Variants in CTTNBP2 observed in about 807,000 individuals in gnomAD.
The protein encoded by CTTNBP2 is cortactin-binding protein 2.
Under a neutral mutation model 156.9 loss-of-function variants are expected in CTTNBP2, and 108 were observed. The observed-to-expected ratio is 0.69, with a 90% CI of 0.59 to 0.81. The LOEUF (loss-of-function observed/expected upper bound fraction) is 0.81, where lower values mean the gene tolerates loss of function less well. Ranked by LOEUF, CTTNBP2 falls within the 30% of genes least tolerant of loss-of-function variation. The pLI, the probability that CTTNBP2 is intolerant of heterozygous loss-of-function variation, is 0.00. For missense variants in CTTNBP2, 1,924 were observed against 2,035.4 expected, an observed-to-expected ratio of 0.95 and a Z score of 1.05; for synonymous variants, 767 against 751.8, an observed-to-expected ratio of 1.02 and a Z score of -0.33.
At chr7:117,839,358 T>A (rs1054041282) in intron 2 of CTTNBP2, among the ~76,000 whole-genome samples, 8 of 152,312 alleles carry the variant, frequency 5.3e-5, no homozygotes, top group Admixed American at 5.2e-4. Flanking sequence ...TTTCCTAACG[T>A]CACACAGCCA....
In CTTNBP2 at chr7:117,746,027, C is replaced by A. The variant is rs143935677; in HGVS notation, c.3421G>T (p.Ala1141Ser). The A allele has an allele frequency of 3.7e-6, 6 of 1,614,028 alleles. No individual in the cohort carries two copies. The highest frequency in any genetic ancestry group is 2.7e-5 in the African/African-American group (2 of 75,060). The change falls in exon 13 of 23, where the codon GCA becomes TCA. Residue 1141 changes from alanine (A) to serine (S), a missense_variant. By Grantham distance (99) the Ala-to-Ser change is moderately conservative. Transcript: ENST00000160373. ...GTAATCAATACCTTCAGGCAGAGTG[C>A]AAGCTGATGTACTATGTAGTCTTGC... ...SLQDYIVHQL[A>S]LCLKHRQMAA...
intron 2 of CTTNBP2, among the ~76,000 whole-genome samples, chr7:117,858,551 T>C (rs1175962842): frequency 6.6e-6 from 1 of 152,154 alleles, no homozygotes; most frequent in Non-Finnish European, 1.5e-5. Context: ...AAACTGGTCT[T>C]GGCCAGTGGT....
At chr7:117,801,902 T>C (rs1486544514) in intron 3 of CTTNBP2, among the ~76,000 whole-genome samples, 1 of 151,768 alleles carries the variant, frequency 6.6e-6, no homozygotes, top group Non-Finnish European at 1.5e-5. Flanking sequence ...TTTTTATTTT[T>C]TTTATTTTTT....
rs182317633 is a variant in CTTNBP2, at chr7:117,721,483, A to C, written c.4448-353T>G. Among the ~76,000 whole-genome samples the C allele has an allele frequency of 8.5e-5, 13 of 152,350 alleles. No individual in the cohort carries two copies. The East Asian group carries it at 2.1e-3, about 25-fold the overall frequency. On this transcript the variant is annotated intron_variant, in intron 19 of 22. Transcript: ENST00000160373. ...TAGGCCCTTGTTCTCAAAGGACCAA[A>C]AGAAGATTTTAATACCTGCCTTTTG...
chr7:117,760,195 T>A (rs1464914520), intron 10 of CTTNBP2: 1 of 538,452 alleles, frequency 1.9e-6, no homozygotes, highest in East Asian at 3.0e-5. Context: ...CAAAGCCTCA[T>A]CAACGGCTTT....
At chr7:117,831,090 T>G (rs1801580166) in intron 2 of CTTNBP2, among the ~76,000 whole-genome samples, 1 of 152,188 alleles carries the variant, frequency 6.6e-6, no homozygotes, top group Non-Finnish European at 1.5e-5. Context: ...ACTTAAGAGA[T>G]AAAACATAAA....
intron 16 of CTTNBP2, among the ~76,000 whole-genome samples, chr7:117,730,575 C>T (rs1584910257): frequency 2.6e-5 from 4 of 152,208 alleles, no homozygotes; most frequent in African/African-American, 7.2e-5. Context: ...GATTCAAATA[C>T]AAGCTGAGAA....
chr7:117,774,851 C>T (rs906351630), intron 8 of CTTNBP2, among the ~76,000 whole-genome samples: 1 of 152,146 alleles, frequency 6.6e-6, no homozygotes, highest in African/African-American at 2.4e-5. Context: ...TATTTTTAAG[C>T]TCTACTTGTG....
intron 17 of CTTNBP2, among the ~76,000 whole-genome samples, chr7:117,727,404 G>A (rs767931396): frequency 1.5e-4 from 23 of 151,894 alleles, no homozygotes; most frequent in Non-Finnish European, 2.4e-4. Flanking sequence ...TACGTTGCCT[G>A]GGCTGACCTT....
At chr7:117,768,480 C>T (rs1319535014) in intron 8 of CTTNBP2, among the ~76,000 whole-genome samples, 1 of 147,912 alleles carries the variant, frequency 6.8e-6, no homozygotes, top group Non-Finnish European at 1.5e-5. Flanking sequence ...GCAGGAGAAT[C>T]GCTTGAACCT....
intron 22 of CTTNBP2, chr7:117,713,686 T>G: frequency 6.6e-6 from 1 of 152,230 alleles, no homozygotes; most frequent in East Asian, 1.9e-4. Context: ...CTATTTTTCC[T>G]TTACTTCCCT....
chr7:117,779,659 G>GT (rs906846666), intron 7 of CTTNBP2, among the ~76,000 whole-genome samples: 1 of 151,126 alleles, frequency 6.6e-6, no homozygotes, highest in Non-Finnish European at 1.5e-5. Flanking sequence ...AAAATAGGAA[G>GT]TTTTTTTAAG....
rs879309776 is a variant in CTTNBP2, at chr7:117,711,349, TA to T, written c.*187del. The T allele has an allele frequency of 0.018, 9,443 of 522,762 alleles. No homozygotes were observed. Among genetic ancestry groups the T allele is most frequent in the East Asian group, 0.021 (564 of 27,168 alleles). The allele number at this position is 522,762 out of a possible 1,614,324, so 32.4% of individuals were successfully genotyped here. A position where few individuals can be genotyped will look rare whatever the true frequency, so the allele number is the denominator to read the frequency against. On this transcript the variant is annotated 3_prime_UTR_variant, in exon 23 of 23. Transcript: ENST00000160373. ...GTATTGAAGTTCAATCCTACAGAATTAAAAAAAAAAGCAACAAAATGTTGGT... is the reference window on the plus strand; with the variant it reads ...GTATTGAAGTTCAATCCTACAGAATTAAAAAAAAAGCAACAAAATGTTGGT...
chr7:117,857,043 G>A (rs1316167140), intron 2 of CTTNBP2, among the ~76,000 whole-genome samples: 1 of 152,304 alleles, frequency 6.6e-6, no homozygotes, highest in African/African-American at 2.4e-5. Context: ...AAGCTTCTGT[G>A]CCTATCTTGG....
intron 3 of CTTNBP2, among the ~76,000 whole-genome samples, chr7:117,803,172 A>G (rs1468519709): frequency 6.6e-6 from 1 of 152,244 alleles, no homozygotes; most frequent in Non-Finnish European, 1.5e-5. Context: ...AATGCGGTAC[A>G]TATACACCAT....
chr7:117,764,645 G>T (rs896773833), intron 9 of CTTNBP2, among the ~76,000 whole-genome samples: 1 of 152,046 alleles, frequency 6.6e-6, no homozygotes, highest in Non-Finnish European at 1.5e-5. Context: ...TGTATTTCAG[G>T]TGATTTATAT....
intron 22 of CTTNBP2, among the ~76,000 whole-genome samples, chr7:117,714,961 C>T (rs1794261696): frequency 6.6e-6 from 1 of 152,218 alleles, no homozygotes; most frequent in African/African-American, 2.4e-5. Context: ...ATAACGTTTA[C>T]TATCCATATT....
At chr7:117,768,754 T>C (rs978489216) in intron 8 of CTTNBP2, among the ~76,000 whole-genome samples, 11 of 152,134 alleles carry the variant, frequency 7.2e-5, no homozygotes, top group African/African-American at 2.4e-4. Flanking sequence ...TGCTTTCTAA[T>C]ATTAGAGATT....
intron 16 of CTTNBP2, among the ~76,000 whole-genome samples, chr7:117,728,797 T>C (rs571161101): frequency 1.3e-5 from 2 of 152,322 alleles, no homozygotes; most frequent in African/African-American, 4.8e-5. Flanking sequence ...TTATCTTTAA[T>C]AGAAAAATAG....
Sources: gnomAD v4.1 joint callset for allele counts (sites outside exome capture counted in the v4.1 genomes callset) on GRCh38, gnomAD v4.1.1 for gene constraint, MANE v1.5 for transcripts, NCBI Gene and HGNC (gene_info 2026-07-23, HGNC 2026-07-21) for gene names.